SLC38A10: variants seen among roughly 807,000 people sequenced by gnomAD.
SLC38A10 encodes Sodium-coupled neutral amino acid transporter 10.
A neutral mutation model predicts 81.0 loss-of-function variants in SLC38A10; 53 were observed. That is an observed-to-expected ratio of 0.65 (90% confidence interval 0.53 to 0.82). SLC38A10 has a LOEUF of 0.82. Ranked by LOEUF, SLC38A10 falls within the 40% of genes least tolerant of loss-of-function variation. SLC38A10 has a pLI of 0.00. For missense variants in SLC38A10, 1,471 were observed against 1,545.0 expected (o/e 0.95, Z 0.80); for synonymous variants, 665 against 655.3 (o/e 1.01, Z -0.23).
intron 14 of SLC38A10, chr17:81,250,989 G>T: frequency 2.2e-6 from 3 of 1,361,088 alleles, no homozygotes; most frequent in Non-Finnish European, 1.9e-6. Flanking sequence ...AGGCCCGAGG[G>T]TGTGGGAGCA....
At chr17:81,293,879 A>C (rs1345989955) in intron 1 of SLC38A10, among the ~76,000 whole-genome samples, 1 of 152,224 alleles carries the variant, frequency 6.6e-6, no homozygotes, top group African/African-American at 2.4e-5. Flanking sequence ...TGTTTATTGT[A>C]GATTAAACAG....
intron 11 of SLC38A10, among the ~76,000 whole-genome samples, chr17:81,254,486 C>T (rs535137735): frequency 1.3e-5 from 2 of 152,256 alleles, no homozygotes; most frequent in Non-Finnish European, 2.9e-5. Flanking sequence ...CCTGCTGTGT[C>T]GCCCAGGCTG....
chr17:81,245,692 T>TTAA lies in SLC38A10; in HGVS notation c.3221_3223dup (p.Leu1074_Asn1075insIle), dbSNP rs1296416677. On this transcript the variant is annotated inframe_insertion, in exon 16 of 16. Coordinates refer to ENST00000374759, the MANE Select transcript of SLC38A10 (RefSeq NM_001037984.3). ...GTTCACCTGGACATCAGGCAGGGGG[T>TTAA]TAAGGCCAATGATGACCCCATCCCT... is the stretch of plus-strand genomic sequence containing the variant. The TTAA allele has an allele frequency of 6.3e-7, 1 of 1,585,132 alleles. No individual in the cohort carries two copies.
chr17:81,247,113 C>G (rs2062859736), intron 14 of SLC38A10, 52 bp from the exon 15 acceptor site: 1 of 1,525,384 alleles, frequency 6.6e-7, no homozygotes, highest in African/African-American at 1.4e-5. Context: ...ATGCACCGTG[C>G]TGGGCCAGGG....
intron 4 of SLC38A10, 146 bp from the exon 5 acceptor site, chr17:81,282,478 C>A (rs940440466): frequency 5.9e-5 from 69 of 1,172,374 alleles, no homozygotes; most frequent in Non-Finnish European, 7.5e-5. Flanking sequence ...GGCTGGCACA[C>A]TCGCCCGAAG....
rs533549634 is a variant in SLC38A10 at position 81,277,154 on chromosome 17, T to G, written c.627-21A>C. On this transcript the variant is annotated intron_variant, in intron 6 of 15. Coordinates refer to ENST00000374759, the MANE Select transcript of SLC38A10 (RefSeq NM_001037984.3). This position sits in a 1 kb window ranked among gnomAD's most constrained non-coding sequence, Gnocchi z 4.5. ...CCTGGCTGTATAGAAACAGGCCATT[T>G]CACAGCGGACCTGAGAGAGGCACGC... 3 of 1,611,780 alleles carry G rather than the reference T, an allele frequency of 1.9e-6. No individual in the cohort carries two copies. The highest frequency in any genetic ancestry group is 2.5e-6 in the Non-Finnish European group (3 of 1,178,414).
intron 2 of SLC38A10, among the ~76,000 whole-genome samples, chr17:81,285,980 G>A (rs898586858): frequency 6.6e-6 from 1 of 152,124 alleles, no homozygotes; most frequent in Non-Finnish European, 1.5e-5. Flanking sequence ...GCTCGCTGAA[G>A]AAGCCTGGCA....
Position 81,246,606 on chromosome 17 carries a change from C to T in SLC38A10, c.2310G>A (p.Arg770=). The T allele has an allele frequency of 6.6e-7, 1 of 1,515,684 alleles. No individual in the cohort carries two copies. Among genetic ancestry groups the T allele is most frequent in the Non-Finnish European group, 8.8e-7 (1 of 1,134,338 alleles). The allele number at this position is 1,515,684 out of a possible 1,614,324, so 93.9% of individuals were successfully genotyped here. A position where few individuals can be genotyped will look rare whatever the true frequency, so the allele number is the denominator to read the frequency against. The change falls in exon 16 of 16, where the codon AGG becomes AGA. Residue 770 remains arginine (R), a synonymous_variant. Coordinates refer to ENST00000374759, the MANE Select transcript of SLC38A10 (RefSeq NM_001037984.3). ...RGQEAPEGKA[R]ETVENLPPLP... is the part of the protein sequence containing the mutation. The stretch of plus-strand genomic sequence containing the variant: ...GGGGAGGCAGATTCTCCACCGTCTC[C>T]CTGGCCTTGCCTTCAGGGGCCTCCT...
chr17:81,254,883 T>C (rs2062958062), intron 11 of SLC38A10, among the ~76,000 whole-genome samples: 1 of 152,168 alleles, frequency 6.6e-6, no homozygotes, highest in Non-Finnish European at 1.5e-5. Flanking sequence ...GCCTGTCCAA[T>C]GGATTACTAA....
At chr17:81,255,034 T>A (rs1196932289) in intron 11 of SLC38A10, among the ~76,000 whole-genome samples, 1 of 152,240 alleles carries the variant, frequency 6.6e-6, no homozygotes, top group Admixed American at 6.5e-5. Flanking sequence ...GAATGACCAG[T>A]CTGGGGCTCC....
Position 81,247,033 on chromosome 17 carries a change from G to A in SLC38A10, c.2094C>T (p.His698=), listed in dbSNP as rs765148158. 41 of 1,597,338 alleles carry A rather than the reference G, an allele frequency of 2.6e-5. No individual in the cohort carries two copies. Among genetic ancestry groups the A allele is most frequent in the Middle Eastern group, 1.7e-4 (1 of 6,028 alleles). The stretch of plus-strand genomic sequence containing the variant: ...CTTTGATCACCTGAAGCAGGACGGC[G>A]TGGTCCAGCATCTCCGCCCTGCCAG... ...EEAGRAEMLD[H]AVLLQVIKEQ... is the part of the protein sequence containing the mutation. Residue 698 remains histidine (H), a synonymous_variant, in exon 15 of 16, where the codon CAC becomes CAT. Transcript: ENST00000374759.
chr17:81,282,152 G>A, intron 5 of SLC38A10, 37 bp downstream of exon 5: 1 of 1,609,136 alleles, frequency 6.2e-7, no homozygotes, highest in Non-Finnish European at 8.5e-7. Context: ...GCCAGGAGCA[G>A]CCTTTCAGCG....
chr17:81,291,124 G>A (rs114930500), intron 1 of SLC38A10, among the ~76,000 whole-genome samples: 1,654 of 152,292 alleles, frequency 0.011, 27 homozygotes, highest in African/African-American at 0.038. Context: ...CTAGCTGGAC[G>A]GTGAGGGGGG....
intron 10 of SLC38A10, chr17:81,263,715 T>G (rs1450009439): frequency 1.3e-5 from 2 of 152,314 alleles, no homozygotes; most frequent in African/African-American, 4.8e-5. Context: ...CTGCCCAGCT[T>G]GAGGGGACCC....
chr17:81,268,686 A>G (rs1334496162), intron 10 of SLC38A10, among the ~76,000 whole-genome samples: 2 of 152,228 alleles, frequency 1.3e-5, no homozygotes, highest in Non-Finnish European at 2.9e-5. Context: ...CAAGCCAAAA[A>G]AAGAGTAAAT....
intron 2 of SLC38A10, chr17:81,285,858 ATTACT>A (rs565931897): frequency 6.6e-6 from 1 of 152,384 alleles, no homozygotes; most frequent in East Asian, 1.9e-4. Flanking sequence ...AACACTCCTT[ATTACT>A]TTAAACTACT....
intron 4 of SLC38A10, 118 bp from the exon 5 acceptor site, chr17:81,282,450 T>G (rs2063222916): frequency 7.2e-7 from 1 of 1,396,106 alleles, no homozygotes; most frequent in African/African-American, 1.4e-5. Context: ...TCCAGGTGAA[T>G]GACGCCGGCG....
intron 15 of SLC38A10, 30 bp from the exon 16 acceptor site, chr17:81,246,703 C>T (rs757071104): frequency 6.6e-7 from 1 of 1,504,566 alleles, no homozygotes; most frequent in Non-Finnish European, 8.9e-7. Context: ...TCAATTTAGC[C>T]ACAGCACTGT....
chr17:81,284,900 T>A lies in SLC38A10; in HGVS notation c.218-5A>T. On this transcript the variant is annotated splice_polypyrimidine_tract_variant and splice_region_variant and intron_variant, in intron 2 of 15. Transcript: ENST00000374759. ...CCTTCCCGTAGGCGTGGAATGCTAG[T>A]GCAAAAGAAAAAGGAACACTCAATC... is the stretch of plus-strand genomic sequence containing the variant. 6.5e-7 allele frequency: 1 copy of A among 1,543,962 alleles called. No homozygotes were observed. The highest frequency in any genetic ancestry group is 1.2e-5 in the South Asian group (1 of 83,122).
Sources: allele counts gnomAD v4.1 joint callset (sites outside exome capture counted in the v4.1 genomes callset), GRCh38; gene constraint gnomAD v4.1.1; non-coding constraint Gnocchi (gnomAD v3.1); transcripts MANE v1.5; gene names NCBI Gene and HGNC (gene_info 2026-07-23, HGNC 2026-07-21).